MYH13: variants seen among roughly 807,000 people sequenced by gnomAD.
MYH13 encodes myosin-13.
A neutral mutation model predicts 232.1 loss-of-function variants in MYH13; 177 were observed. That is an observed-to-expected ratio of 0.76 (90% confidence interval 0.67 to 0.86). The LOEUF is 0.86. MYH13 is among the 40% of genes least tolerant of loss of function. MYH13 has a pLI of 0.00. For missense variants in MYH13, 2,246 were observed against 2,405.9 expected (o/e 0.93, Z 1.39); for synonymous variants, 884 against 923.5 (o/e 0.96, Z 0.78).
At chr17:10,340,512 G>GA in intron 16 of MYH13, 111 bp from the exon 17 acceptor site, 1 of 782,840 alleles carries the variant, frequency 1.3e-6, no homozygotes, top group Non-Finnish European at 2.0e-6. Flanking sequence ...TGACATAAGA[G>GA]ACTTGAGGTT....
intron 24 of MYH13, 26 bp from the exon 25 acceptor site, chr17:10,320,522 T>A (rs768546895): frequency 1.2e-6 from 2 of 1,603,416 alleles, no homozygotes; most frequent in Admixed American, 1.7e-5. Flanking sequence ...GGTAGAAAAT[T>A]AAGCCCCTGC....
At position 10,322,302 on chromosome 17, in the gene MYH13, A is replaced by G. The variant is rs191777914; in HGVS notation, c.2935-594T>C. 3.6e-3 allele frequency among the ~76,000 whole-genome samples: 549 copies of G among 152,230 alleles called. 3 individuals carry two copies. The highest frequency in any genetic ancestry group is 0.012 in the African/African-American group (517 of 41,558). On this transcript the variant is annotated intron_variant, in intron 23 of 40. Transcript: ENST00000252172. Reference sequence around the variant, plus strand: ...AGTCCCAGCTACTCAGGAGGCTGAAACAGGAGAATCGCTTGAAAACAGGAG... The same window carrying G: ...AGTCCCAGCTACTCAGGAGGCTGAAGCAGGAGAATCGCTTGAAAACAGGAG...
At chr17:10,350,859 A>T in intron 11 of MYH13, 165 bp from the exon 12 acceptor site, 1 of 885,950 alleles carries the variant, frequency 1.1e-6, no homozygotes, top group Non-Finnish European at 1.8e-6. Context: ...CATTTGTTTC[A>T]CGTGTTTGTG....
chr17:10,346,752 C>T lies in MYH13; in HGVS notation c.1191G>A (p.Met397Ile). Residue 397 changes from methionine to isoleucine, a missense_variant, in exon 13 of 41, where the codon ATG becomes ATA. Met to Ile is a conservative substitution (Grantham distance 10). Transcript: ENST00000252172. Reference sequence around the variant, plus strand: ...CCCTTGGACAGCACAGGCCCTTCAGCATTTCTGCAGAATTCAGTCCCATCA... The same window carrying T: ...CCCTTGGACAGCACAGGCCCTTCAGTATTTCTGCAGAATTCAGTCCCATCA... ...GYLMGLNSAE[M>I]LKGLCCPRVK... is the part of the protein sequence containing the mutation. 1 of 1,614,000 alleles carries T rather than the reference C, an allele frequency of 6.2e-7. No homozygotes were observed. The highest frequency in any genetic ancestry group is 1.3e-5 in the African/African-American group (1 of 75,058).
chr17:10,319,381 C>T (rs1490531742), intron 26 of MYH13, among the ~76,000 whole-genome samples: 8 of 151,756 alleles, frequency 5.3e-5, no homozygotes, highest in African/African-American at 1.9e-4. Flanking sequence ...TGGTGGCGGG[C>T]GCCTGTAGTC....
intron 16 of MYH13, among the ~76,000 whole-genome samples, chr17:10,342,422 T>C (rs1285141285): frequency 6.6e-6 from 1 of 152,096 alleles, no homozygotes; most frequent in African/African-American, 2.4e-5. Context: ...AGTTATCATA[T>C]GACCCAGCAA....
Position 10,312,708 on chromosome 17 carries a change from C to T in MYH13, c.4231G>A (p.Ala1411Thr), listed in dbSNP as rs779532801. The stretch of plus-strand genomic sequence containing the variant: ...TCCAACGATGCGCACTTGGAGTTCG[C>T]CGTCTCCGTGTTCTCCTCTGCTTCC... ...LQEAEENTET[A>T]NSKCASLEKT... The change falls in exon 31 of 41, where the codon GCG (alanine) becomes ACG (threonine). Residue 1411 changes from alanine to threonine, a missense_variant. Ala to Thr is a moderately conservative substitution (Grantham distance 58). Coordinates refer to ENST00000252172, the MANE Select transcript of MYH13 (RefSeq NM_003802.3). 5 of 1,613,494 alleles carry T rather than the reference C, an allele frequency of 3.1e-6. No individual in the cohort carries two copies. Among genetic ancestry groups the T allele is most frequent in the Middle Eastern group, 1.6e-4 (1 of 6,084 alleles).
At chr17:10,322,781 C>A (rs1011233060) in intron 23 of MYH13, among the ~76,000 whole-genome samples, 1 of 151,950 alleles carries the variant, frequency 6.6e-6, no homozygotes, top group Non-Finnish European at 1.5e-5. Context: ...CTACAGGCGT[C>A]CGCCACCACG....
chr17:10,365,835 T>C (rs931557844), intron 2 of MYH13, among the ~76,000 whole-genome samples: 1 of 135,390 alleles, frequency 7.4e-6, no homozygotes, highest in Non-Finnish European at 1.6e-5. Flanking sequence ...TAGAACTTGC[T>C]GCATGGTGTG....
At chr17:10,346,986 G>A (rs563373395) in intron 12 of MYH13, among the ~76,000 whole-genome samples, 188 bp from the exon 13 acceptor site, 2 of 152,244 alleles carry the variant, frequency 1.3e-5, no homozygotes, top group South Asian at 4.1e-4. Context: ...TGGTTCTCAG[G>A]AACTTCCAAT....
At chr17:10,337,441 G>C (rs1387569506) in intron 18 of MYH13, among the ~76,000 whole-genome samples, 10 of 152,234 alleles carry the variant, frequency 6.6e-5, no homozygotes, top group African/African-American at 1.9e-4. Flanking sequence ...TGCCCGTGAA[G>C]TCCTAGAGGA....
Position 10,345,304 on chromosome 17 carries a change from G to A in MYH13, c.1482C>T (p.His494=). The part of the protein sequence containing the change: ...NEKLQQFFNH[H]MFVLEQEEYK... ...ACTCTTCCTGCTCCAGCACGAACAT[G>A]TGGTGGTTGAAAAACTGTTGCAGTT... The change falls in exon 15 of 41, where the codon CAC becomes CAT. Residue 494 remains histidine (H), a synonymous_variant. Coordinates refer to ENST00000252172, the MANE Select transcript of MYH13 (RefSeq NM_003802.3). 3.1e-6 allele frequency: 5 copies of A among 1,614,210 alleles called. No individual in the cohort carries two copies. The highest frequency in any genetic ancestry group is 4.2e-6 in the Non-Finnish European group (5 of 1,180,038).
In MYH13 at chr17:10,359,945, G is replaced by C; in HGVS notation, c.645+15C>G. 2 of 1,600,114 alleles carry C rather than the reference G, an allele frequency of 1.2e-6. No homozygotes were observed. The highest frequency in any genetic ancestry group is 1.7e-6 in the Non-Finnish European group (2 of 1,168,226). ...TTATTCCAGTAAGCCTCCGGATGCA[G>C]GTGGGGCTGCTCACCTGCATTTTGC... On this transcript the variant is annotated intron_variant, in intron 7 of 40. Transcript: ENST00000252172.
In MYH13 at chr17:10,355,991, A is replaced by T. The variant is rs148419045; in HGVS notation, c.739-844T>A. Among the ~76,000 whole-genome samples, 641 of 152,170 alleles carry T rather than the reference A, an allele frequency of 4.2e-3. 10 individuals carry two copies. The highest frequency in any genetic ancestry group is 0.015 in the African/African-American group (621 of 41,504). Reference sequence around the variant, plus strand: ...CAGGCCTGGCTCCCTGGCTGCCAAAAGAACAACTCAGGGTCTAGGTGGCCC... The same window carrying T: ...CAGGCCTGGCTCCCTGGCTGCCAAATGAACAACTCAGGGTCTAGGTGGCCC... On this transcript the variant is annotated intron_variant, in intron 8 of 40. Coordinates refer to ENST00000252172, the MANE Select transcript of MYH13 (RefSeq NM_003802.3).
intron 12 of MYH13, among the ~76,000 whole-genome samples, chr17:10,347,947 G>A (rs2071679493): frequency 6.6e-6 from 1 of 151,902 alleles, no homozygotes; most frequent in Admixed American, 6.6e-5. Flanking sequence ...TTGATCTCCT[G>A]ACCTTGTGAT....
At chr17:10,337,988 G>A (rs763960611) in intron 18 of MYH13, among the ~76,000 whole-genome samples, 3 of 152,148 alleles carry the variant, frequency 2.0e-5, no homozygotes, top group Admixed American at 6.5e-5. Context: ...GGGAGTTGGA[G>A]GTTGCAGTGA....
In MYH13 at chr17:10,303,414, CTT is replaced by C; in HGVS notation, c.5549_5550del (p.Lys1850SerfsTer9). On this transcript the variant is annotated frameshift_variant, in exon 38 of 41. Coordinates refer to ENST00000252172, the MANE Select transcript of MYH13 (RefSeq NM_003802.3). LOFTEE classifies it high-confidence loss of function. ...ALKGAHKYER[K>X]VKEMTYQAEE... The stretch of plus-strand genomic sequence containing the variant: ...CCTACCTGGTAAGTCATCTCCTTGA[CTT>C]TGCGTTCGTACTTGTGGGCTCCCTT... 6.2e-7 allele frequency: 1 copy of C among 1,613,988 alleles called. No individual in the cohort carries two copies. The highest frequency in any genetic ancestry group is 8.5e-7 in the Non-Finnish European group (1 of 1,179,876).
chr17:10,312,627 G>T lies in MYH13; in HGVS notation c.4312C>A (p.Arg1438Ser), dbSNP rs141961168. The T allele has an allele frequency of 6.2e-7, 1 of 1,613,118 alleles. No individual in the cohort carries two copies. The highest frequency in any genetic ancestry group is 1.3e-5 in the African/African-American group (1 of 74,948). The change falls in exon 31 of 41, where the codon CGC (arginine) becomes AGC (serine). Residue 1438 changes from arginine to serine, a missense_variant. Transcript: ENST00000252172. The stretch of plus-strand genomic sequence containing the variant: ...AGTGTGGCACAGGCGGTGTGGGAGC[G>T]CTCCAGATCCCGCATCAGATCCTCC... ...EVEDLMRDLE[R>S]SHTACATLDK...
At chr17:10,329,697 C>T (rs1004396838) in intron 21 of MYH13, among the ~76,000 whole-genome samples, 5 of 151,908 alleles carry the variant, frequency 3.3e-5, no homozygotes, top group Admixed American at 6.6e-5. Context: ...AAAGTGCTTT[C>T]GTCAGCTGGG....
Sources: allele counts gnomAD v4.1 joint callset (sites outside exome capture counted in the v4.1 genomes callset), GRCh38; gene constraint gnomAD v4.1.1; transcripts MANE v1.5; gene names NCBI Gene and HGNC (gene_info 2026-07-23, HGNC 2026-07-21).